The following SPEG variants were observed in gnomAD, a reference collection of about 807,000 sequenced individuals.
The protein encoded by SPEG is striated muscle enriched protein kinase.
Under a neutral mutation model 300.4 loss-of-function variants are expected in SPEG, and 114 were observed. The observed-to-expected ratio is 0.38, with a 90% CI of 0.33 to 0.44. SPEG has a LOEUF of 0.44. SPEG is among the 20% of genes least tolerant of loss of function. The probability of loss-of-function intolerance (pLI) is 1.00; values close to 1 mark genes in which losing one functional copy is unlikely to be tolerated. For synonymous variants in SPEG, 1,964 were observed against 2,018.9 expected, an observed-to-expected ratio of 0.97 and a Z score of 0.73; for missense variants, 4,201 against 4,586.2, an observed-to-expected ratio of 0.92 and a Z score of 2.43.
intron 38 of SPEG, 104 bp downstream of exon 38, chr2:219,491,060 A>G (rs1559436964): frequency 2.4e-6 from 2 of 817,114 alleles, no homozygotes; most frequent in Admixed American, 5.0e-5. Flanking sequence ...TTATTGAGTG[A>G]TTACTGTATT....
Position 219,473,550 on chromosome 2 carries a change from C to T in SPEG, c.4194C>T (p.Ile1398=), listed in dbSNP as rs767998262. ...EAPAMLDKPD[I]VYVVEGQPAS... ...CTGCCATGCTGGACAAACCAGACAT[C>T]GTGTATGTGGTGGAGGGACAGCCTG... is the stretch of plus-strand genomic sequence containing the variant. Residue 1398 remains isoleucine (I), a synonymous_variant, in exon 17 of 41, where the codon ATC becomes ATT. Coordinates refer to ENST00000312358, the MANE Select transcript of SPEG (RefSeq NM_005876.5). The surrounding 1 kb of genome is among the most constrained non-coding windows in gnomAD (Gnocchi z 4.6). 7 of 1,613,984 alleles carry T rather than the reference C, an allele frequency of 4.3e-6. No individual in the cohort carries two copies. Among genetic ancestry groups the T allele is most frequent in the Admixed American group, 3.3e-5 (2 of 60,012 alleles).
rs559136437 is a variant in SPEG at position 219,460,113 on chromosome 2, G to A, written c.2441-1769G>A. ...CTTTAGCGGGGCTAAGGTGGGTGGC[G>A]GGCAAGTTGCCAACAGGTGCCCTGG... is the stretch of plus-strand genomic sequence containing the variant. On this transcript the variant is annotated intron_variant, in intron 6 of 40. Coordinates refer to ENST00000312358, the MANE Select transcript of SPEG (RefSeq NM_005876.5). Among the ~76,000 whole-genome samples the A allele has an allele frequency of 1.4e-4, 22 of 152,342 alleles. 1 individual carries two copies. The South Asian group carries it at 4.6e-3, about 32-fold the overall frequency.
At position 219,472,453 on chromosome 2, in the gene SPEG, C is replaced by T. The variant is rs561177266; in HGVS notation, c.3940+122C>T. On this transcript the variant is annotated intron_variant, in intron 15 of 40. Transcript: ENST00000312358. ...GGCAGGGGCAGGAGCTGATGGAATG[C>T]TGGTGGGACCAGCTTTGCCCGTCTT... The T allele has an allele frequency of 3.6e-6, 3 of 822,382 alleles. No homozygotes were observed. In the Admixed American group the frequency reaches 7.2e-5, roughly 20 times the overall value. The allele number at this position is 822,382 out of a possible 1,614,324, so 50.9% of individuals were successfully genotyped here.
At chr2:219,446,400 T>A (rs971215434) in intron 3 of SPEG, among the ~76,000 whole-genome samples, 6 of 152,088 alleles carry the variant, frequency 3.9e-5, no homozygotes, top group Non-Finnish European at 5.9e-5. Flanking sequence ...TCAATTTCTC[T>A]CCAGGCCTCA....
At chr2:219,470,887 T>C (rs1575127645) in intron 13 of SPEG, among the ~76,000 whole-genome samples, 1 of 152,302 alleles carries the variant, frequency 6.6e-6, no homozygotes, top group East Asian at 1.9e-4. Context: ...GTCAGGTACC[T>C]GGTATAGGCT....
At position 219,488,078 on chromosome 2, in the gene SPEG, A is replaced by G. The variant is rs889747085; in HGVS notation, c.7742-116A>G. The stretch of plus-strand genomic sequence containing the variant: ...CCACTTTCCACATCTGCCTGGGAAG[A>G]GACAAAGTTTCATGCTGCTTCCTGA... On this transcript the variant is annotated intron_variant, in intron 31 of 40. Transcript: ENST00000312358. 4 of 687,924 alleles carry G rather than the reference A, an allele frequency of 5.8e-6. No individual in the cohort carries two copies. The African/African-American group carries it at 7.2e-5, about 12-fold the overall frequency. The allele number at this position is 687,924 out of a possible 1,614,324, so 42.6% of individuals were successfully genotyped here.
chr2:219,460,897 C>A, intron 6 of SPEG: 3 of 986,244 alleles, frequency 3.0e-6, no homozygotes, highest in Non-Finnish European at 3.6e-6. Flanking sequence ...CCCTGGGGAG[C>A]CACGCTGGGG....
rs200618676 is a variant in SPEG, at chr2:219,467,302, C to T, written c.3010C>T (p.Arg1004Cys). Residue 1004 changes from arginine to cysteine, a missense_variant, in exon 10 of 41, where the codon CGT (arginine) becomes TGT (cysteine). Coordinates refer to ENST00000312358, the MANE Select transcript of SPEG (RefSeq NM_005876.5). ...TGACGTGGAGGTGGATTGGCTGTGC[C>T]GTGGCCGCCTGCTGCAGCCTGCACT... Reference protein sequence around the residue: ...PTDVEVDWLCRGRLLQPALLK... With the variant: ...PTDVEVDWLCCGRLLQPALLK... The T allele has an allele frequency of 1.4e-5, 23 of 1,610,728 alleles. No individual in the cohort carries two copies. The highest frequency in any genetic ancestry group is 2.7e-5 in the African/African-American group (2 of 75,062).
intron 9 of SPEG, chr2:219,465,950 C>A: frequency 1.2e-6 from 1 of 861,240 alleles, no homozygotes; most frequent in South Asian, 1.5e-5. Flanking sequence ...CGTGTGCGTG[C>A]ATGTGTGCGT....
chr2:219,460,756 G>T, intron 6 of SPEG: 1 of 985,838 alleles, frequency 1.0e-6, no homozygotes, highest in Non-Finnish European at 1.2e-6. Flanking sequence ...CTGCCTGCCG[G>T]CCTGCCATCC....
rs1954804172 is a variant in SPEG at position 219,439,553 on chromosome 2, G to C, written c.388+4188G>C. Among the ~76,000 whole-genome samples, 1 of 152,140 alleles carries C rather than the reference G, an allele frequency of 6.6e-6. No homozygotes were observed. The highest frequency in any genetic ancestry group is 1.5e-5 in the Non-Finnish European group (1 of 68,028). On this transcript the variant is annotated intron_variant, in intron 1 of 40. Transcript: ENST00000312358. The surrounding 1 kb of genome is among the most constrained non-coding windows in gnomAD (Gnocchi z 4.5). ...TGGAGATTTGGATTTTCTCTGGTTG[G>C]AGGGAAATGCTGGCAGTGCAGAAAT...
Position 219,449,245 on chromosome 2 carries a change from G to A in SPEG, c.2087G>A (p.Arg696Gln). ...GCCCGCAGCCAGGGCAAAGGTCGCCGGGCCCGGCCCACCTCCCCTGAGCTC... is the reference window on the plus strand; with the variant it reads ...GCCCGCAGCCAGGGCAAAGGTCGCCAGGCCCGGCCCACCTCCCCTGAGCTC... ...RGARSQGKGR[R>Q]ARPTSPELES... The change falls in exon 4 of 41, where the codon CGG becomes CAG. Residue 696 changes from arginine to glutamine, a missense_variant. This residue lies in a region of SPEG where 1,258 missense variants were observed against 1,293.9 expected (regional missense o/e 0.97). Coordinates refer to ENST00000312358, the MANE Select transcript of SPEG (RefSeq NM_005876.5). 7.2e-7 allele frequency: 1 copy of A among 1,391,900 alleles called. No individual in the cohort carries two copies. Among genetic ancestry groups the A allele is most frequent in the Non-Finnish European group, 9.3e-7 (1 of 1,074,262 alleles). The allele number at this position is 1,391,900 out of a possible 1,614,324, so 86.2% of individuals were successfully genotyped here.
At chr2:219,441,526 T>C (rs776434625) in intron 1 of SPEG, 22 of 470,312 alleles carry the variant, frequency 4.7e-5, no homozygotes, top group Non-Finnish European at 4.8e-5. Flanking sequence ...ACAGTGTGTG[T>C]GCGCGCATGT....
At chr2:219,462,100 G>A (rs775183214) in intron 7 of SPEG, 43 bp downstream of exon 7, 44 of 1,465,958 alleles carry the variant, frequency 3.0e-5, no homozygotes, top group South Asian at 8.9e-5. Context: ...GTGTGCCCCC[G>A]TTCCTTTGGG....
chr2:219,468,903 G>A lies in SPEG; in HGVS notation c.3346G>A (p.Gly1116Arg), dbSNP rs1395898815. Residue 1116 changes from glycine (G) to arginine (R), a missense_variant, in exon 12 of 41, where the codon GGG (glycine) becomes AGG (arginine). This residue lies in a region of SPEG where 1,047 missense variants were observed against 1,356.8 expected (regional missense o/e 0.77). Coordinates refer to ENST00000312358, the MANE Select transcript of SPEG (RefSeq NM_005876.5). ...ESENLRLRQD[G>R]GLHSLHIAHV... Reference sequence around the variant, plus strand: ...TGAGAACTTGCGGCTGCGGCAGGACGGGGGTCTGCACTCACTGCACATTGC... The same window carrying A: ...TGAGAACTTGCGGCTGCGGCAGGACAGGGGTCTGCACTCACTGCACATTGC... The A allele has an allele frequency of 3.1e-6, 5 of 1,613,652 alleles. No individual in the cohort carries two copies. Among genetic ancestry groups the A allele is most frequent in the Non-Finnish European group, 4.2e-6 (5 of 1,179,930 alleles).
intron 1 of SPEG, among the ~76,000 whole-genome samples, chr2:219,437,503 A>C (rs1226337598): frequency 6.6e-6 from 1 of 152,152 alleles, no homozygotes; most frequent in Non-Finnish European, 1.5e-5. Context: ...GGGTAAGAAA[A>C]GGGCCCTGGG....
intron 39 of SPEG, 35 bp downstream of exon 39, chr2:219,491,904 C>A (rs1372449932): frequency 1.3e-6 from 2 of 1,542,912 alleles, no homozygotes; most frequent in Non-Finnish European, 1.8e-6. Flanking sequence ...GCCCTCTCTG[C>A]CCATACAGTG....
Position 219,488,244 on chromosome 2 carries a change from G to T in SPEG, c.7792G>T (p.Gly2598Trp). 1.2e-6 allele frequency: 2 copies of T among 1,613,714 alleles called. No homozygotes were observed. The highest frequency in any genetic ancestry group is 1.1e-5 in the South Asian group (1 of 91,014). The change falls in exon 32 of 41, where the codon GGG becomes TGG. Residue 2598 changes from glycine (G) to tryptophan (W), a missense_variant. By Grantham distance (184) the Gly-to-Trp change is radical (BLOSUM62 -2). Transcript: ENST00000312358. ...IKLKDQVLLE[G>W]EAATLLCLPA... ...ACTCAAGGACCAGGTGCTGCTGGAG[G>T]GGGAGGCAGCCACCCTGCTCTGCCT...
At chr2:219,485,598 G>GTCAA (rs1693339456) in intron 31 of SPEG, 121 bp downstream of exon 31, 2 of 993,356 alleles carry the variant, frequency 2.0e-6, no homozygotes, top group South Asian at 3.9e-5. Context: ...GAAGGGGTCT[G>GTCAA]CTCAGACAAC....
Sources: gnomAD v4.1 joint callset for allele counts (sites outside exome capture counted in the v4.1 genomes callset) on GRCh38, gnomAD v4.1.1 for gene constraint, gnomAD v4.1.1 regional missense constraint, Gnocchi (gnomAD v3.1) non-coding constraint, MANE v1.5 for transcripts, NCBI Gene and HGNC (gene_info 2026-07-23, HGNC 2026-07-21) for gene names.